GABPA: variants seen among roughly 807,000 people sequenced by gnomAD.
GABPA encodes GA-binding protein alpha chain.
In GABPA, 4 loss-of-function variants were observed where a neutral mutation model predicts 59.4. That is an observed-to-expected ratio of 0.07 (90% CI 0.03 to 0.15). GABPA has a LOEUF of 0.15. Ranked by LOEUF, GABPA falls within the 10% of genes least tolerant of loss-of-function variation. GABPA has a pLI of 1.00. For missense variants in GABPA, 251 were observed against 543.8 expected, an observed-to-expected ratio of 0.46 and a Z score of 5.36; for synonymous variants, 164 against 183.1, an observed-to-expected ratio of 0.90 and a Z score of 0.84.
rs11542051 is a variant in GABPA at position 25,769,498 on chromosome 21, G to A, written c.*266G>A. ...TGTGGAATAGTTTAACAGTCAGGAAGGCTAAACTGGTCAGTATTAATGTGT... is the reference window on the plus strand; with the variant it reads ...TGTGGAATAGTTTAACAGTCAGGAAAGCTAAACTGGTCAGTATTAATGTGT... On this transcript the variant is annotated 3_prime_UTR_variant, in exon 10 of 10. Coordinates refer to ENST00000400075, the MANE Select transcript of GABPA (RefSeq NM_002040.4). 0.013 allele frequency: 4,658 copies of A among 364,644 alleles called. 195 individuals are homozygous for A. The highest frequency in any genetic ancestry group is 0.088 in the African/African-American group (4,274 of 48,402). The allele number at this position is 364,644 out of a possible 1,614,324, so 22.6% of individuals were successfully genotyped here.
chr21:25,740,449 GCGTATGGAATTCAAAGACATTCATTGA>G (rs2035190854), intron 1 of GABPA, among the ~76,000 whole-genome samples: 1 of 152,220 alleles, frequency 6.6e-6, no homozygotes, highest in Admixed American at 6.5e-5. Context: ...GACTGAAAGT[GCGTATGGAATTCAAAGACATTCATTGA>G]CCTACTGCGA....
rs751709238 is a variant in GABPA at position 25,752,197 on chromosome 21, C to T, written c.516C>T (p.Gly172=). The change falls in exon 5 of 10, where the codon GGC becomes GGT. Residue 172 remains glycine, a synonymous_variant. Coordinates refer to ENST00000400075, the MANE Select transcript of GABPA (RefSeq NM_002040.4). The part of the protein sequence containing the change: ...QVTRWAAALE[G]YRKEQERLGI... ...CAAGATGGGCTGCTGCACTGGAAGGCTATAGGAAAGAACAAGAACGCCTTG... is the reference window on the plus strand; with the variant it reads ...CAAGATGGGCTGCTGCACTGGAAGGTTATAGGAAAGAACAAGAACGCCTTG... 6.2e-7 allele frequency: 1 copy of T among 1,612,802 alleles called. No homozygotes were observed. The highest frequency in any genetic ancestry group is 8.5e-7 in the Non-Finnish European group (1 of 1,179,368).
chr21:25,749,737 A>G (rs1201225791), intron 4 of GABPA, among the ~76,000 whole-genome samples: 1 of 152,228 alleles, frequency 6.6e-6, no homozygotes, highest in Non-Finnish European at 1.5e-5. Context: ...AGGCTAAGAC[A>G]GGAAAATCAC....
In GABPA at chr21:25,735,015, C is replaced by T. The variant is rs1316548346; in HGVS notation, c.-590C>T. 4 of 1,531,308 alleles carry T rather than the reference C, an allele frequency of 2.6e-6. No individual in the cohort carries two copies. The highest frequency in any genetic ancestry group is 2.7e-5 in the African/African-American group (2 of 72,760). The allele number at this position is 1,531,308 out of a possible 1,614,324, so 94.9% of individuals were successfully genotyped here. The stretch of plus-strand genomic sequence containing the variant: ...GGACAGGAAGCGTCTCGGAGACAGT[C>T]TGCGACCGGACGGGTCTAGGTGAGA... On this transcript the variant is annotated 5_prime_UTR_variant, in exon 1 of 10. Transcript: ENST00000400075.
At chr21:25,751,892 T>A (rs2123527976) in intron 4 of GABPA, 97 bp from the exon 5 acceptor site, 1 of 1,262,522 alleles carries the variant, frequency 7.9e-7, no homozygotes, top group South Asian at 1.4e-5. Context: ...TTCGATGTAG[T>A]TTTTCTCTAC....
intron 4 of GABPA, among the ~76,000 whole-genome samples, chr21:25,750,965 G>A (rs1222289465): frequency 6.6e-6 from 1 of 152,102 alleles, no homozygotes; most frequent in Non-Finnish European, 1.5e-5. Context: ...GTAGTTTCTT[G>A]CAATACTGGT....
At chr21:25,737,694 T>TC (rs1218052353) in intron 1 of GABPA, among the ~76,000 whole-genome samples, 1 of 152,212 alleles carries the variant, frequency 6.6e-6, no homozygotes, top group Non-Finnish European at 1.5e-5. Context: ...TGCTTTTTTT[T>TC]CTATCTTGCC....
At chr21:25,764,957 G>T (rs1438478940) in intron 9 of GABPA, among the ~76,000 whole-genome samples, 170 bp downstream of exon 9, 1 of 143,258 alleles carries the variant, frequency 7.0e-6, no homozygotes, top group African/African-American at 2.8e-5. Context: ...TAATTTCGAG[G>T]TACAGTTTTT....
intron 7 of GABPA, 97 bp from the exon 8 acceptor site, chr21:25,764,113 A>G: frequency 2.9e-6 from 3 of 1,021,018 alleles, no homozygotes; most frequent in Middle Eastern, 3.4e-4. Context: ...GGGGTAATTC[A>G]TAGGGCATTA....
intron 5 of GABPA, among the ~76,000 whole-genome samples, 162 bp from the exon 6 acceptor site, chr21:25,757,848 A>G (rs2035671261): frequency 7.9e-6 from 1 of 126,486 alleles, no homozygotes; most frequent in South Asian, 2.4e-4. Context: ...ATTACAGCAT[A>G]ATTTTTTTTT....
intron 7 of GABPA, 49 bp downstream of exon 7, chr21:25,762,414 T>A (rs2035786423): frequency 1.6e-6 from 2 of 1,283,448 alleles, no homozygotes; most frequent in African/African-American, 3.0e-5. Context: ...GAAATGTTTA[T>A]TTGATACCGC....
intron 1 of GABPA, among the ~76,000 whole-genome samples, chr21:25,740,626 C>A (rs968231578): frequency 6.6e-6 from 1 of 152,030 alleles, no homozygotes; most frequent in Middle Eastern, 3.2e-3. Context: ...TGGTTTTAAG[C>A]AATAGATAAA....
At position 25,764,192 on chromosome 21, in the gene GABPA, C is replaced by G; in HGVS notation, c.803-18C>G. ...TTGTATTGGAAGAAAAAAAATTTCT[C>G]CTTGTCTGTCTTTGCAGCTGTGCAA... On this transcript the variant is annotated intron_variant, in intron 7 of 9. Coordinates refer to ENST00000400075, the MANE Select transcript of GABPA (RefSeq NM_002040.4). 2.0e-6 allele frequency: 3 copies of G among 1,524,966 alleles called. No homozygotes were observed. The highest frequency in any genetic ancestry group is 2.6e-6 in the Non-Finnish European group (3 of 1,141,510). 94.5% of individuals were successfully genotyped at this position (1,524,966 alleles called of 1,614,324 possible). A position where few individuals can be genotyped will look rare whatever the true frequency, so the allele number is the denominator to read the frequency against.
chr21:25,736,987 T>C (rs975759258), intron 1 of GABPA, among the ~76,000 whole-genome samples: 9 of 152,250 alleles, frequency 5.9e-5, no homozygotes, highest in African/African-American at 2.2e-4. Context: ...CAAAATGTTC[T>C]AAGCTCTGTA....
chr21:25,765,622 T>G lies in GABPA; in HGVS notation c.1136+835T>G, dbSNP rs1269353769. Among the ~76,000 whole-genome samples the G allele has an allele frequency of 2.0e-5, 3 of 152,126 alleles. No individual in the cohort carries two copies. In the East Asian group the frequency reaches 5.8e-4, roughly 29 times the overall value. ...TTGGCTGTGATTATTTTTCTTTTCC[T>G]GAATGACCCTTTTTTTCTCAGAGTT... On this transcript the variant is annotated intron_variant, in intron 9 of 9. Coordinates refer to ENST00000400075, the MANE Select transcript of GABPA (RefSeq NM_002040.4).
intron 9 of GABPA, among the ~76,000 whole-genome samples, chr21:25,767,445 A>G (rs1428490528): frequency 1.3e-5 from 2 of 151,978 alleles, no homozygotes; most frequent in East Asian, 3.8e-4. Flanking sequence ...GGGAGGCAAC[A>G]AGTGGAATAA....
chr21:25,740,234 C>T (rs995227523), intron 1 of GABPA, among the ~76,000 whole-genome samples: 2 of 152,208 alleles, frequency 1.3e-5, no homozygotes, highest in African/African-American at 4.8e-5. Flanking sequence ...CTATGCAAAG[C>T]ATTTGAATGC....
intron 3 of GABPA, 71 bp downstream of exon 3, chr21:25,745,425 T>C (rs1279012372): frequency 1.6e-5 from 22 of 1,375,386 alleles, no homozygotes; most frequent in Non-Finnish European, 2.2e-5. Context: ...GTTAGCCTTT[T>C]CTTTATAGCT....
intron 7 of GABPA, chr21:25,763,123 A>G: frequency 4.1e-6 from 2 of 482,126 alleles, no homozygotes; most frequent in Non-Finnish European, 8.0e-6. Context: ...TTTTCATGTC[A>G]TCTTTTCCAT....
Sources: allele counts gnomAD v4.1 joint callset (sites outside exome capture counted in the v4.1 genomes callset), GRCh38; gene constraint gnomAD v4.1.1; transcripts MANE v1.5; gene names NCBI Gene and HGNC (gene_info 2026-07-23, HGNC 2026-07-21).